Variants in ZDHHC13 observed in about 807,000 individuals in gnomAD.
ZDHHC13 encodes palmitoyltransferase ZDHHC13.
A neutral mutation model predicts 86.0 loss-of-function variants in ZDHHC13; 85 were observed. The observed-to-expected ratio is 0.99, with a 90% CI of 0.83 to 1.18. The LOEUF (loss-of-function observed/expected upper bound fraction) is 1.18, where lower values mean the gene tolerates loss of function less well. ZDHHC13 is among the 50% of genes most tolerant of loss of function. The probability of loss-of-function intolerance (pLI) is 0.00; values close to 1 mark genes in which losing one functional copy is unlikely to be tolerated. For missense variants in ZDHHC13, 711 were observed against 730.2 expected (o/e 0.97, Z 0.30); for synonymous variants, 263 against 246.4 (o/e 1.07, Z -0.63).
At chr11:19,170,710 C>T in intron 15 of ZDHHC13, 142 bp downstream of exon 15, 1 of 820,322 alleles carries the variant, frequency 1.2e-6, no homozygotes, top group Non-Finnish European at 1.8e-6. Flanking sequence ...GTCATTTAAC[C>T]ACACTTGAAT....
chr11:19,142,065 G>C (rs1308578042), intron 1 of ZDHHC13, among the ~76,000 whole-genome samples: 1 of 152,162 alleles, frequency 6.6e-6, no homozygotes, highest in Non-Finnish European at 1.5e-5. Flanking sequence ...CATAGTTTCT[G>C]TTTGTCAGGA....
chr11:19,119,126 T>G (rs1848707038), intron 1 of ZDHHC13, among the ~76,000 whole-genome samples: 1 of 152,204 alleles, frequency 6.6e-6, no homozygotes, highest in South Asian at 2.1e-4. Context: ...TTTTTTTCTT[T>G]TTTCAGACAG....
intron 9 of ZDHHC13, among the ~76,000 whole-genome samples, chr11:19,158,051 C>T (rs190168438): frequency 2.0e-4 from 31 of 152,274 alleles, no homozygotes; most frequent in African/African-American, 7.5e-4. Context: ...CTCCGACAGA[C>T]CATACCCTGG....
chr11:19,142,932 T>A (rs372316908), intron 1 of ZDHHC13, 46 bp from the exon 2 acceptor site: 249 of 1,528,918 alleles, frequency 1.6e-4, no homozygotes, highest in Admixed American at 3.6e-4. Flanking sequence ...TAATTGAGTG[T>A]GACATTAATT....
At chr11:19,157,823 T>C (rs1849799694) in intron 9 of ZDHHC13, among the ~76,000 whole-genome samples, 1 of 152,214 alleles carries the variant, frequency 6.6e-6, no homozygotes. Context: ...ATATGACAAC[T>C]TTATTCATAC....
chr11:19,123,772 A>G (rs11025029), intron 1 of ZDHHC13, among the ~76,000 whole-genome samples: 15,451 of 151,882 alleles, frequency 0.1, 1,072 homozygotes, highest in Non-Finnish European at 0.14. Flanking sequence ...GAGAGCCAGT[A>G]TACCTAACAA....
intron 4 of ZDHHC13, chr11:19,148,940 C>T (rs1449109331): frequency 1.0e-5 from 3 of 293,770 alleles, no homozygotes; most frequent in Middle Eastern, 9.7e-4. Flanking sequence ...GGTCACAGAG[C>T]GAGACTCCAT....
chr11:19,138,945 A>G (rs1055721459), intron 1 of ZDHHC13, among the ~76,000 whole-genome samples: 23 of 151,796 alleles, frequency 1.5e-4, no homozygotes, highest in African/African-American at 5.6e-4. Flanking sequence ...TGACAAACCC[A>G]CAGCCAATAT....
At chr11:19,164,133 C>T (rs1234408347) in intron 11 of ZDHHC13, 168 bp from the exon 12 acceptor site, 2 of 623,970 alleles carry the variant, frequency 3.2e-6, no homozygotes, top group Non-Finnish European at 5.2e-6. Context: ...GAAAATGCAA[C>T]CTTGAAGAGT....
At chr11:19,168,899 G>C (rs1453792537) in intron 14 of ZDHHC13, 2 of 985,142 alleles carry the variant, frequency 2.0e-6, no homozygotes, top group Non-Finnish European at 2.4e-6. Flanking sequence ...AAAGATTGTA[G>C]ATTACCATCA....
chr11:19,150,175 A>G (rs1849570999), intron 5 of ZDHHC13, among the ~76,000 whole-genome samples: 1 of 152,184 alleles, frequency 6.6e-6, no homozygotes, highest in African/African-American at 2.4e-5. Flanking sequence ...GACCTGTCTT[A>G]TTAAAAGGAC....
At chr11:19,125,467 G>A (rs1447607936) in intron 1 of ZDHHC13, among the ~76,000 whole-genome samples, 1 of 152,200 alleles carries the variant, frequency 6.6e-6, no homozygotes, top group African/African-American at 2.4e-5. Flanking sequence ...CCAAGTGCTG[G>A]TGAGAATGCA....
At chr11:19,134,907 C>T (rs936556588) in intron 1 of ZDHHC13, among the ~76,000 whole-genome samples, 2 of 152,066 alleles carry the variant, frequency 1.3e-5, no homozygotes, top group East Asian at 1.9e-4. Flanking sequence ...TGGCATGCGC[C>T]GGTAGTCTCA....
At chr11:19,174,240 G>A (rs1434098492) in intron 16 of ZDHHC13, among the ~76,000 whole-genome samples, 1 of 152,200 alleles carries the variant, frequency 6.6e-6, no homozygotes, top group African/African-American at 2.4e-5. Context: ...ATCATGCTCC[G>A]CAGAACGGCA....
chr11:19,158,993 G>A lies in ZDHHC13; in HGVS notation c.1061G>A (p.Ser354Asn). ...TACTTACCAACAGCCTTTCTGCTAAGTTCTGTTTTTTGGATATTTATGACT... is the reference window on the plus strand; with the variant it reads ...TACTTACCAACAGCCTTTCTGCTAAATTCTGTTTTTTGGATATTTATGACT... ...LVYLPTAFLL[S>N]SVFWIFMTWF... is the part of the protein sequence containing the mutation. The change falls in exon 10 of 17, where the codon AGT becomes AAT. Residue 354 changes from serine to asparagine, a missense_variant. Ser to Asn is a conservative substitution (Grantham distance 46). Coordinates refer to ENST00000446113, the MANE Select transcript of ZDHHC13 (RefSeq NM_019028.3). 6.5e-7 allele frequency: 1 copy of A among 1,549,566 alleles called. No individual in the cohort carries two copies. Among genetic ancestry groups the A allele is most frequent in the Non-Finnish European group, 8.7e-7 (1 of 1,146,140 alleles).
chr11:19,172,715 T>C lies in ZDHHC13; in HGVS notation c.1633-8T>C, dbSNP rs200050059. 332 of 1,584,784 alleles carry C rather than the reference T, an allele frequency of 2.1e-4. No homozygotes were observed. The highest frequency in any genetic ancestry group is 2.6e-4 in the Non-Finnish European group (300 of 1,165,760). On this transcript the variant is annotated splice_polypyrimidine_tract_variant and splice_region_variant and intron_variant, in intron 15 of 16. Transcript: ENST00000446113. ...GAATGTGTGCAACCTTCCACCCTTC[T>C]TTTTCAGATTGCCTTTCTGGGCCTG...
Position 19,135,628 on chromosome 11 carries a change from A to G in ZDHHC13, c.28-7350A>G, listed in dbSNP as rs187450073. ...CTCCACCTCTGGGGGCAGGGCACAG[A>G]CAAACAAAAAGACAGCAGTAACCTC... On this transcript the variant is annotated intron_variant, in intron 1 of 16. Coordinates refer to ENST00000446113, the MANE Select transcript of ZDHHC13 (RefSeq NM_019028.3). Among the ~76,000 whole-genome samples the G allele has an allele frequency of 8.6e-4, 131 of 152,244 alleles. 2 individuals are homozygous for G. Among genetic ancestry groups the G allele is most frequent in the Non-Finnish European group, 1.7e-3 (113 of 68,026 alleles).
At chr11:19,136,186 A>G (rs1849133727) in intron 1 of ZDHHC13, among the ~76,000 whole-genome samples, 1 of 152,228 alleles carries the variant, frequency 6.6e-6, no homozygotes, top group Non-Finnish European at 1.5e-5. Context: ...AAAAGTTTAG[A>G]AGAATGTATG....
At position 19,117,947 on chromosome 11, in the gene ZDHHC13, T is replaced by C. The variant is rs1314437545; in HGVS notation, c.27+671T>C. The C allele has an allele frequency of 6.6e-6, 1 of 152,262 alleles. No homozygotes were observed. The highest frequency in any genetic ancestry group is 1.5e-5 in the Non-Finnish European group (1 of 68,084). 9.4% of individuals were successfully genotyped at this position (152,262 alleles called of 1,614,324 possible). On this transcript the variant is annotated intron_variant, in intron 1 of 16. Coordinates refer to ENST00000446113, the MANE Select transcript of ZDHHC13 (RefSeq NM_019028.3). This position sits in a 1 kb window ranked among gnomAD's most constrained non-coding sequence, Gnocchi z 4.2. ...TCGGAGAAGTTACAGGAGGTAGATG[T>C]TGTCTCCAAGAAAACAAGATTTTTG...
Sources: allele counts gnomAD v4.1 joint callset (sites outside exome capture counted in the v4.1 genomes callset), GRCh38; gene constraint gnomAD v4.1.1; non-coding constraint Gnocchi (gnomAD v3.1); transcripts MANE v1.5; gene names NCBI Gene and HGNC (gene_info 2026-07-23, HGNC 2026-07-21).